The following NHSL1 variants were observed in gnomAD, a reference collection of about 807,000 sequenced individuals.
The protein encoded by NHSL1 is NHS-like protein 1.
A neutral mutation model predicts 95.0 loss-of-function variants in NHSL1; 48 were observed. The observed-to-expected ratio is 0.51, with a 90% CI of 0.40 to 0.64. NHSL1 has a LOEUF of 0.64. Among genes scored for constraint, NHSL1 ranks in the 30% least tolerant of loss-of-function variants. The probability of loss-of-function intolerance (pLI) is 0.00; values close to 1 mark genes in which losing one functional copy is unlikely to be tolerated. For synonymous variants in NHSL1, 783 were observed against 833.9 expected (o/e 0.94, Z 1.05); for missense variants, 1,971 against 2,077.7 (o/e 0.95, Z 1.00).
At position 138,442,050 on chromosome 6, in the gene NHSL1, T is replaced by C. The variant is rs1289835345; in HGVS notation, c.597A>G (p.Arg199=). ...RSLIYTDTLV[R]RPKKVKRRKT... ...TTCTCCTTTTGACTTTCTTCGGTCG[T>C]CTTACCAGAGTGTCTGTGTAAATTA... is the stretch of plus-strand genomic sequence containing the variant. Residue 199 remains arginine (R), a synonymous_variant, in exon 5 of 8, where the codon AGA becomes AGG. Coordinates refer to ENST00000343505, the MANE Select transcript of NHSL1 (RefSeq NM_001144060.2). 2 of 1,551,448 alleles carry C rather than the reference T, an allele frequency of 1.3e-6. No homozygotes were observed. The highest frequency in any genetic ancestry group is 1.7e-6 in the Non-Finnish European group (2 of 1,146,860).
chr6:138,453,535 C>A (rs1401662435), intron 3 of NHSL1, among the ~76,000 whole-genome samples: 2 of 151,408 alleles, frequency 1.3e-5, no homozygotes, highest in Admixed American at 6.6e-5. Flanking sequence ...ATTTATTTTT[C>A]ATTTATTTTT....
At chr6:138,455,965 G>GT (rs1396305930) in intron 3 of NHSL1, among the ~76,000 whole-genome samples, 11 of 152,212 alleles carry the variant, frequency 7.2e-5, no homozygotes, top group Admixed American at 7.2e-4. Context: ...TTGAAGCGTG[G>GT]TTTGAAATAC....
chr6:138,607,184 G>A (rs909354875), intron 1 of NHSL1, among the ~76,000 whole-genome samples: 9 of 152,038 alleles, frequency 5.9e-5, no homozygotes, highest in African/African-American at 1.9e-4. Flanking sequence ...TTAGCATCAC[G>A]CCTGACACTC....
upstream of NHSL1, among the ~76,000 whole-genome samples, chr6:138,500,289 T>C (rs1275881137): frequency 6.6e-6 from 1 of 151,966 alleles, no homozygotes; most frequent in Non-Finnish European, 1.5e-5. Context: ...CCATCCAGAG[T>C]GCTGGTTCTT....
At chr6:138,591,773 A>G (rs1447511324) in intron 1 of NHSL1, among the ~76,000 whole-genome samples, 1 of 152,116 alleles carries the variant, frequency 6.6e-6, no homozygotes, top group Non-Finnish European at 1.5e-5. Flanking sequence ...AAGTCGCGTG[A>G]TGAAATCTCC....
At chr6:138,479,702 G>A (rs569261715) in intron 2 of NHSL1, among the ~76,000 whole-genome samples, 1 of 152,290 alleles carries the variant, frequency 6.6e-6, no homozygotes, top group East Asian at 1.9e-4. Context: ...AATAAGAGAG[G>A]ACTACTTTAA....
intron 1 of NHSL1, among the ~76,000 whole-genome samples, chr6:138,646,613 C>T (rs1204027748): frequency 6.6e-6 from 1 of 152,182 alleles, no homozygotes; most frequent in East Asian, 1.9e-4. Flanking sequence ...ATCTGCCAAT[C>T]TGGAATTGTT....
chr6:138,663,463 GGCAGGA>G (rs1785254048), intron 1 of NHSL1, among the ~76,000 whole-genome samples: 1 of 151,046 alleles, frequency 6.6e-6, no homozygotes, highest in Admixed American at 6.6e-5. Flanking sequence ...GGAGGCTAAA[GGCAGGA>G]GAATCACTCG....
At chr6:138,545,745 C>CGG, upstream of NHSL1, 3 of 1,231,926 alleles carry the variant, frequency 2.4e-6, no homozygotes, top group Non-Finnish European at 3.1e-6. Flanking sequence ...TGCCAGAGAG[C>CGG]GGGGCGGCCA....
At chr6:138,460,832 C>A (rs1344690978) in intron 3 of NHSL1, among the ~76,000 whole-genome samples, 1 of 151,372 alleles carries the variant, frequency 6.6e-6, no homozygotes, top group Non-Finnish European at 1.5e-5. Context: ...CTCAGCCTCC[C>A]TCCACCAGCA....
chr6:138,533,522 T>C (rs1371886746), intron 1 of NHSL1, among the ~76,000 whole-genome samples: 1 of 152,162 alleles, frequency 6.6e-6, no homozygotes, highest in African/African-American at 2.4e-5. Flanking sequence ...CACTCCAGCC[T>C]GGGCAAGAAG....
intron 1 of NHSL1, among the ~76,000 whole-genome samples, chr6:138,555,174 T>C (rs1783151165): frequency 6.6e-6 from 1 of 152,170 alleles, no homozygotes; most frequent in African/African-American, 2.4e-5. Context: ...ATGCCGAACA[T>C]GATCTGAGCC....
intron 1 of NHSL1, among the ~76,000 whole-genome samples, chr6:138,685,240 T>C (rs549413337): frequency 8.4e-4 from 128 of 152,304 alleles, no homozygotes; most frequent in Non-Finnish European, 1.6e-3. Flanking sequence ...TAAATGTAGG[T>C]AGCTTTTTAA....
intron 3 of NHSL1, among the ~76,000 whole-genome samples, chr6:138,459,895 C>T (rs1157858067): frequency 1.3e-5 from 2 of 152,048 alleles, no homozygotes; most frequent in East Asian, 1.9e-4. Flanking sequence ...GCATTGCTAT[C>T]GGAATAAACC....
rs112714502 is a variant in NHSL1 at position 138,433,766 on chromosome 6, T to A, written c.665-86A>T. ...TACCCTCACCCCTCTGACAGAATTT[T>A]AAAAAAATTTTTCTATTTGATTTAA... On this transcript the variant is annotated intron_variant, in intron 5 of 7. Transcript: ENST00000343505. 3.0e-3 allele frequency: 4,094 copies of A among 1,386,378 alleles called. 90 individuals carry two copies. In the African/African-American group the frequency reaches 0.052, roughly 18 times the overall value. 85.9% of individuals were successfully genotyped at this position (1,386,378 alleles called of 1,614,324 possible).
upstream of NHSL1, among the ~76,000 whole-genome samples, chr6:138,549,234 T>G (rs528529674): frequency 5.1e-4 from 77 of 152,106 alleles, 2 homozygotes; most frequent in African/African-American, 1.7e-3. Context: ...AAACACAAAA[T>G]TAGCCAGGCG....
chr6:138,450,660 A>G (rs978661393), intron 3 of NHSL1, among the ~76,000 whole-genome samples: 2 of 152,224 alleles, frequency 1.3e-5, no homozygotes, highest in African/African-American at 4.8e-5. Context: ...CAGCATGACA[A>G]CTGACAAAGA....
chr6:138,432,734 A>G lies in NHSL1; in HGVS notation c.1611T>C (p.Ser537=). 1.3e-6 allele frequency: 2 copies of G among 1,551,322 alleles called. No individual in the cohort carries two copies. The highest frequency in any genetic ancestry group is 1.7e-6 in the Non-Finnish European group (2 of 1,146,890). The part of the protein sequence containing the change: ...PAHPQDVDGK[S]ESSYSGGGGH... The stretch of plus-strand genomic sequence containing the variant: ...CTCCGCCCCCTGAATAACTAGATTC[A>G]CTCTTGCCATCCACATCTTGGGGGT... The change falls in exon 6 of 8, where the codon AGT becomes AGC. Residue 537 remains serine (S), a synonymous_variant. Coordinates refer to ENST00000343505, the MANE Select transcript of NHSL1 (RefSeq NM_001144060.2). The surrounding 1 kb of genome is among the most constrained non-coding windows in gnomAD (Gnocchi z 4.4).
chr6:138,529,208 G>T (rs1356722758), intron 1 of NHSL1, among the ~76,000 whole-genome samples: 2 of 152,170 alleles, frequency 1.3e-5, no homozygotes, highest in East Asian at 3.9e-4. Flanking sequence ...AAGATCTCTT[G>T]CATCAGCCAG....
Sources: allele counts gnomAD v4.1 joint callset (sites outside exome capture counted in the v4.1 genomes callset), GRCh38; gene constraint gnomAD v4.1.1; non-coding constraint Gnocchi (gnomAD v3.1); transcripts MANE v1.5; gene names NCBI Gene and HGNC (gene_info 2026-07-23, HGNC 2026-07-21).